The following SMPD4 variants were observed in gnomAD, a reference collection of about 807,000 sequenced individuals.
SMPD4 encodes the protein neutral sphingomyelinase 3.
A neutral mutation model predicts 97.8 loss-of-function variants in SMPD4; 58 were observed. The observed-to-expected ratio is 0.59, with a 90% CI of 0.48 to 0.74. SMPD4 has a LOEUF of 0.74. Ranked by LOEUF, SMPD4 falls within the 30% of genes least tolerant of loss-of-function variation. The probability of loss-of-function intolerance (pLI) is 0.00; values close to 1 mark genes in which losing one functional copy is unlikely to be tolerated. For synonymous variants in SMPD4, 388 were observed against 450.0 expected (o/e 0.86, Z 1.74); for missense variants, 853 against 1,080.5 (o/e 0.79, Z 2.95).
chr2:130,154,292 G>A lies in SMPD4; in HGVS notation c.1644C>T (p.Pro548=), dbSNP rs142500439. Residue 548 remains proline, a synonymous_variant, in exon 16 of 20, where the codon CCC becomes CCT. Coordinates refer to ENST00000680298, the MANE Select transcript of SMPD4 (RefSeq NM_017951.5). ...AACCACTCACCAGGGTGCGGGCCTCGGGCCCAAACATCGGGGTGTACTTGC... is the reference window on the plus strand; with the variant it reads ...AACCACTCACCAGGGTGCGGGCCTCAGGCCCAAACATCGGGGTGTACTTGC... ...QDCKYTPMFG[P]EARTLVLRLA... is the part of the protein sequence containing the mutation. 2.8e-4 allele frequency: 450 copies of A among 1,605,486 alleles called. 2 individuals are homozygous for A. In the African/African-American group the frequency reaches 5.1e-3, roughly 18 times the overall value.
At chr2:130,170,693 G>C (rs1282222748) in intron 8 of SMPD4, among the ~76,000 whole-genome samples, 1 of 151,748 alleles carries the variant, frequency 6.6e-6, no homozygotes, top group African/African-American at 2.4e-5. Flanking sequence ...GAGCTCAGGA[G>C]GTCAATGTTG....
At chr2:130,163,979 A>G (rs1687678528) in intron 10 of SMPD4, among the ~76,000 whole-genome samples, 1 of 152,192 alleles carries the variant, frequency 6.6e-6, no homozygotes, top group Non-Finnish European at 1.5e-5. Flanking sequence ...CCACCCCTTC[A>G]TGGGAAAGCA....
intron 10 of SMPD4, among the ~76,000 whole-genome samples, chr2:130,162,317 AT>A (rs1427974158): frequency 1.3e-5 from 2 of 152,184 alleles, no homozygotes; most frequent in African/African-American, 4.8e-5. Flanking sequence ...CCTGGTGCAC[AT>A]CCTGCCCCGC....
At chr2:130,179,169 G>A (rs1689254778) in intron 1 of SMPD4, among the ~76,000 whole-genome samples, 1 of 150,946 alleles carries the variant, frequency 6.6e-6, no homozygotes, top group Non-Finnish European at 1.5e-5. Flanking sequence ...TGTTGCCCAG[G>A]CTAGAGTCCT....
intron 8 of SMPD4, among the ~76,000 whole-genome samples, chr2:130,169,473 G>GA (rs909879578): frequency 1.3e-4 from 19 of 148,792 alleles, no homozygotes; most frequent in East Asian, 5.9e-4. Context: ...TTGGCTTAGA[G>GA]AAAAAAAAAC....
chr2:130,152,537 T>C lies in SMPD4; in HGVS notation c.*18A>G, dbSNP rs1156950904. On this transcript the variant is annotated 3_prime_UTR_variant, in exon 20 of 20. Coordinates refer to ENST00000680298, the MANE Select transcript of SMPD4 (RefSeq NM_017951.5). ...TGTGGCAAATCCCTCCAGCCTGCTC[T>C]GAAGGCAGCTGACACCTTCAGGGCT... The C allele has an allele frequency of 1.3e-6, 2 of 1,538,874 alleles. No homozygotes were observed. The highest frequency in any genetic ancestry group is 2.0e-5 in the Admixed American group (1 of 50,734).
chr2:130,158,157 T>A, intron 11 of SMPD4: 1 of 1,250,252 alleles, frequency 8.0e-7, no homozygotes, highest in Non-Finnish European at 1.0e-6. Flanking sequence ...ACCCCATGGC[T>A]TCACTTTCCT....
chr2:130,166,130 G>A (rs186454609), intron 9 of SMPD4, among the ~76,000 whole-genome samples: 6 of 152,066 alleles, frequency 3.9e-5, no homozygotes, highest in African/African-American at 1.4e-4. Context: ...GAGACATGGT[G>A]AAACCCCATC....
chr2:130,173,969 A>T (rs1688725781), intron 3 of SMPD4, among the ~76,000 whole-genome samples: 2 of 119,386 alleles, frequency 1.7e-5, no homozygotes, highest in African/African-American at 7.5e-5. Context: ...AAATAAATAA[A>T]TTTAAAAAAA....
rs559415709 is a variant in SMPD4 at position 130,171,114 on chromosome 2, CATATAT to C, written c.659+1229_659+1234del. Among the ~76,000 whole-genome samples, 408 of 146,248 alleles carry C rather than the reference CATATAT, an allele frequency of 2.8e-3. 1 individual carries two copies. The highest frequency in any genetic ancestry group is 9.7e-3 in the African/African-American group (368 of 38,056). On this transcript the variant is annotated intron_variant, in intron 8 of 19. Transcript: ENST00000680298. ...ATAAAATAAATAAATAAACCCAAACCATATATATATAATTTCTTTTCTTTTTTTTTT... is the reference window on the plus strand; with the variant it reads ...ATAAAATAAATAAATAAACCCAAACCATATAATTTCTTTTCTTTTTTTTTT...
intron 15 of SMPD4, chr2:130,154,875 G>T: frequency 1.5e-6 from 1 of 665,984 alleles, no homozygotes; most frequent in African/African-American, 1.8e-5. Flanking sequence ...GGGCACACCT[G>T]CGATCCCCCA....
At chr2:130,163,515 C>T (rs1213765883) in intron 10 of SMPD4, among the ~76,000 whole-genome samples, 1 of 152,168 alleles carries the variant, frequency 6.6e-6, no homozygotes. Context: ...ACTCCATCAC[C>T]CACATTCTGG....
At chr2:130,160,690 C>T (rs1212136126) in intron 11 of SMPD4, among the ~76,000 whole-genome samples, 1 of 152,102 alleles carries the variant, frequency 6.6e-6, no homozygotes, top group Non-Finnish European at 1.5e-5. Flanking sequence ...CACCCCCTGC[C>T]TCACACGCAA....
In SMPD4 at chr2:130,177,946, C is replaced by T. The variant is rs140107537; in HGVS notation, c.-45-1309G>A. Reference sequence around the variant, plus strand: ...AATACTCATCTAGGTACTGCTATGACGGCATTTTGCACATCCAATTAGAGT... The same window carrying T: ...AATACTCATCTAGGTACTGCTATGATGGCATTTTGCACATCCAATTAGAGT... On this transcript the variant is annotated intron_variant, in intron 1 of 19. Coordinates refer to ENST00000680298, the MANE Select transcript of SMPD4 (RefSeq NM_017951.5). 3.5e-3 allele frequency among the ~76,000 whole-genome samples: 528 copies of T among 152,292 alleles called. 2 individuals are homozygous for T. Among genetic ancestry groups the T allele is most frequent in the African/African-American group, 0.012 (497 of 41,560 alleles).
intron 1 of SMPD4, among the ~76,000 whole-genome samples, chr2:130,177,475 A>G (rs1573735217): frequency 6.6e-6 from 1 of 152,166 alleles, no homozygotes; most frequent in East Asian, 2.0e-4. Context: ...AGGCAGGAGG[A>G]TCACCTGAGG....
At chr2:130,170,917 C>T (rs1229423932) in intron 8 of SMPD4, among the ~76,000 whole-genome samples, 3 of 151,756 alleles carry the variant, frequency 2.0e-5, no homozygotes, top group South Asian at 2.1e-4. Flanking sequence ...AAAAATTAGT[C>T]GGGCATGCTG....
rs146331225 is a variant in SMPD4 at position 130,172,921 on chromosome 2, T to TG, written c.346-27dup. Reference sequence around the variant, plus strand: ...CTGCAGAGAGAGGCAGTGAGGCTTGTGGGCAGGTGCTGGTGCGTAGTGCCC... The same window carrying TG: ...CTGCAGAGAGAGGCAGTGAGGCTTGTGGGGCAGGTGCTGGTGCGTAGTGCCC... On this transcript the variant is annotated intron_variant, in intron 5 of 19. Coordinates refer to ENST00000680298, the MANE Select transcript of SMPD4 (RefSeq NM_017951.5). 8,451 of 1,597,698 alleles carry TG rather than the reference T, an allele frequency of 5.3e-3. 203 individuals are homozygous for TG. The African/African-American group carries it at 0.068, about 13-fold the overall frequency.
intron 2 of SMPD4, among the ~76,000 whole-genome samples, chr2:130,176,086 T>C (rs1688952696): frequency 6.6e-6 from 1 of 152,110 alleles, no homozygotes; most frequent in Non-Finnish European, 1.5e-5. Flanking sequence ...GTCTCCTCAG[T>C]AGCTGGAACT....
chr2:130,156,790 A>C (rs760794462), intron 12 of SMPD4, 115 bp from the exon 13 acceptor site: 1 of 1,549,534 alleles, frequency 6.5e-7, no homozygotes, highest in South Asian at 1.2e-5. Context: ...AGCACTGGGC[A>C]CCTCCGGGAG....
Sources: gnomAD v4.1 joint callset for allele counts (sites outside exome capture counted in the v4.1 genomes callset) on GRCh38, gnomAD v4.1.1 for gene constraint, MANE v1.5 for transcripts, NCBI Gene and HGNC (gene_info 2026-07-23, HGNC 2026-07-21) for gene names.